Variants in PRDM10 observed in about 807,000 individuals in gnomAD.
PRDM10 encodes the protein PR/SET domain 10, also known as PR domain zinc finger protein 10.
In PRDM10, 65 loss-of-function variants were observed where a neutral mutation model predicts 133.1. That is an observed-to-expected ratio of 0.49 (90% confidence interval 0.40 to 0.60). The LOEUF is 0.60. Ranked by LOEUF, PRDM10 falls within the 20% of genes least tolerant of loss-of-function variation. PRDM10 has a pLI of 0.00. For synonymous variants in PRDM10, 582 were observed against 580.4 expected (o/e 1.00, Z -0.04); for missense variants, 1,137 against 1,507.1 (o/e 0.75, Z 4.07).
Position 129,932,114 on chromosome 11 carries a change from G to A in PRDM10, c.1275C>T (p.Asp425=), listed in dbSNP as rs1950888617. ...EITSENGEKS[D]DGTQDLLHFP... ...CGTCCCCCCGTACCTGTGTCCCATC[G>A]TCACTCTTTTCCCCATTTTCGCTGG... The change falls in exon 10 of 21, where the codon GAC becomes GAT. Residue 425 remains aspartate, a synonymous_variant. Transcript: ENST00000360871. 1 of 1,613,928 alleles carries A rather than the reference G, an allele frequency of 6.2e-7. No homozygotes were observed. The highest frequency in any genetic ancestry group is 8.5e-7 in the Non-Finnish European group (1 of 1,179,918).
rs542835680 is a variant in PRDM10 at position 129,925,143 on chromosome 11, G to T, written c.1617C>A (p.Asp539Glu). Residue 539 changes from aspartate (D) to glutamate (E), a missense_variant, in exon 12 of 21, where the codon GAC (aspartate) becomes GAA (glutamate). Physicochemically the swap from Asp to Glu is conservative, Grantham distance 45. This residue lies in a region of PRDM10 where 635 missense variants were observed against 835.2 expected (regional missense o/e 0.76). Transcript: ENST00000360871. ...LQCGKAFREK[D>E]KLDQHLRFHG... Reference sequence around the variant, plus strand: ...GGAAGCGTAAGTGCTGGTCCAGTTTGTCCTTTTCCCGGAAGGCCTTCCCAC... The same window carrying T: ...GGAAGCGTAAGTGCTGGTCCAGTTTTTCCTTTTCCCGGAAGGCCTTCCCAC... The T allele has an allele frequency of 1.9e-6, 3 of 1,614,196 alleles. No individual in the cohort carries two copies. The highest frequency in any genetic ancestry group is 2.5e-6 in the Non-Finnish European group (3 of 1,180,040).
rs578106275 is a variant in PRDM10 at position 129,923,498 on chromosome 11, T to G, written c.1879-95A>C. The G allele has an allele frequency of 3.7e-6, 5 of 1,341,802 alleles. No individual in the cohort carries two copies. In the African/African-American group the frequency reaches 7.4e-5, roughly 20 times the overall value. 83.1% of individuals were successfully genotyped at this position (1,341,802 alleles called of 1,614,324 possible). On this transcript the variant is annotated intron_variant, in intron 12 of 20. Coordinates refer to ENST00000360871, the MANE Select transcript of PRDM10 (RefSeq NM_199437.2). The surrounding 1 kb of genome is among the most constrained non-coding windows in gnomAD (Gnocchi z 4.4). ...CAACGCTAGAGGGAGCCAAACGCAT[T>G]ACCATGGGTTTTCATCAACCCCGCC...
At chr11:129,983,230 T>TGCCTCC (rs1007621200) in intron 1 of PRDM10, among the ~76,000 whole-genome samples, 26 of 152,018 alleles carry the variant, frequency 1.7e-4, no homozygotes, top group African/African-American at 5.5e-4. Flanking sequence ...CACCTGCCTC[T>TGCCTCC]GCCTCCCAAA....
At chr11:129,924,811 G>T in intron 12 of PRDM10, 71 bp downstream of exon 12, 1 of 1,391,004 alleles carries the variant, frequency 7.2e-7, no homozygotes, top group African/African-American at 1.4e-5. Context: ...GGCAGTCTCG[G>T]TTTTCCAAAA....
At position 129,902,453 on chromosome 11, in the gene PRDM10, C is replaced by G. The variant is rs1466781206; in HGVS notation, c.3331G>C (p.Gly1111Arg). The change falls in exon 21 of 21, where the codon GGT becomes CGT. Residue 1111 changes from glycine to arginine, a missense_variant. Physicochemically the swap from Gly to Arg is moderately radical, Grantham distance 125 (BLOSUM62 -2). Coordinates refer to ENST00000360871, the MANE Select transcript of PRDM10 (RefSeq NM_199437.2). ...LEEKQTSALS[G>R]GVQVEPPAHS... is the part of the protein sequence containing the mutation. The stretch of plus-strand genomic sequence containing the variant: ...GCAGGTGGCTCGACCTGGACTCCAC[C>G]AGAGAGGGCAGAAGTTTGCTTTTCT... 5.6e-6 allele frequency: 9 copies of G among 1,614,006 alleles called. No homozygotes were observed. The highest frequency in any genetic ancestry group is 7.6e-6 in the Non-Finnish European group (9 of 1,180,038).
At chr11:129,995,457 G>C (rs1320175533) in intron 1 of PRDM10, among the ~76,000 whole-genome samples, 1 of 152,170 alleles carries the variant, frequency 6.6e-6, no homozygotes, top group African/African-American at 2.4e-5. Context: ...CAGTTAAAAA[G>C]TCAAACAAAG....
In PRDM10 at chr11:129,923,476, C is replaced by T. The variant is rs1591601882; in HGVS notation, c.1879-73G>A. ...GAAATGACCAAAGGCAGCTTGTCAA[C>T]GCTAGAGGGAGCCAAACGCATTACC... On this transcript the variant is annotated intron_variant, in intron 12 of 20. Transcript: ENST00000360871. The surrounding 1 kb of genome is among the most constrained non-coding windows in gnomAD (Gnocchi z 4.4). 4.7e-6 allele frequency: 7 copies of T among 1,477,880 alleles called. No homozygotes were observed. Among genetic ancestry groups the T allele is most frequent in the East Asian group, 2.4e-5 (1 of 41,628 alleles). 91.5% of individuals were successfully genotyped at this position (1,477,880 alleles called of 1,614,324 possible).
intron 18 of PRDM10, 116 bp downstream of exon 18, chr11:129,911,969 C>G: frequency 7.7e-7 from 1 of 1,297,904 alleles, no homozygotes; most frequent in Non-Finnish European, 1.0e-6. Flanking sequence ...TAATAAAAAT[C>G]CAAAAATAAC....
At chr11:129,981,792 A>G (rs1938126969) in intron 1 of PRDM10, among the ~76,000 whole-genome samples, 1 of 152,124 alleles carries the variant, frequency 6.6e-6, no homozygotes, top group African/African-American at 2.4e-5. Flanking sequence ...GCTACTCAGG[A>G]GGCTGAGCCA....
At chr11:129,964,130 T>C (rs1356518453) in intron 1 of PRDM10, among the ~76,000 whole-genome samples, 1 of 152,146 alleles carries the variant, frequency 6.6e-6, no homozygotes, top group African/African-American at 2.4e-5. Flanking sequence ...GGAATTTGAG[T>C]GGCTTGTTTC....
At chr11:130,001,140 C>G (rs956610892) in intron 1 of PRDM10, among the ~76,000 whole-genome samples, 1 of 152,094 alleles carries the variant, frequency 6.6e-6, no homozygotes, top group Non-Finnish European at 1.5e-5. Flanking sequence ...CTAAATACCC[C>G]ATATTGAATA....
chr11:129,955,435 G>C (rs1461576161), intron 4 of PRDM10, 77 bp downstream of exon 4: 1 of 1,413,998 alleles, frequency 7.1e-7, no homozygotes, highest in Non-Finnish European at 1.0e-6. Flanking sequence ...AGATGGTGCA[G>C]TGCAAAGGGA....
At chr11:129,916,575 C>T (rs1950365233) in intron 15 of PRDM10, among the ~76,000 whole-genome samples, 1 of 152,200 alleles carries the variant, frequency 6.6e-6, no homozygotes, top group African/African-American at 2.4e-5. Context: ...GCGGAAGTTG[C>T]AGTGAGCTGA....
chr11:129,929,232 G>T (rs533259445), intron 11 of PRDM10, among the ~76,000 whole-genome samples: 1 of 152,146 alleles, frequency 6.6e-6, no homozygotes, highest in African/African-American at 2.4e-5. Flanking sequence ...GGAACCTGCA[G>T]CCCACAATTT....
chr11:129,962,758 C>G (rs1951820617), intron 1 of PRDM10, among the ~76,000 whole-genome samples: 1 of 152,002 alleles, frequency 6.6e-6, no homozygotes, highest in African/African-American at 2.4e-5. Flanking sequence ...TATAGCAGTA[C>G]TATTTAAAAA....
At chr11:130,000,016 TTTTG>T (rs1022450917) in intron 1 of PRDM10, among the ~76,000 whole-genome samples, 7 of 151,832 alleles carry the variant, frequency 4.6e-5, no homozygotes, top group Admixed American at 2.0e-4. Flanking sequence ...TAATTATGGG[TTTTG>T]TTTTTTTTCA....
rs182509677 is a variant in PRDM10, at chr11:129,945,510, C to T, written c.521-498G>A. ...GTCTTATATCTCAGCCTAACTCAAA[C>T]GGAAAAAGGGTTGTGCGGTCTGAGA... On this transcript the variant is annotated intron_variant, in intron 5 of 20. Coordinates refer to ENST00000360871, the MANE Select transcript of PRDM10 (RefSeq NM_199437.2). The surrounding 1 kb of genome is among the most constrained non-coding windows in gnomAD (Gnocchi z 4.2). Among the ~76,000 whole-genome samples the T allele has an allele frequency of 1.3e-5, 2 of 152,276 alleles. No homozygotes were observed. Among genetic ancestry groups the T allele is most frequent in the Admixed American group, 6.5e-5 (1 of 15,302 alleles).
Position 129,981,431 on chromosome 11 carries a change from T to C in PRDM10, c.-118-20349A>G, listed in dbSNP as rs185632598. ...AACACACATAAACTAGCTGTCTTTA[T>C]ATACAAATGTACTCATGGAGAAATG... On this transcript the variant is annotated intron_variant, in intron 1 of 20. Coordinates refer to ENST00000360871, the MANE Select transcript of PRDM10 (RefSeq NM_199437.2). Among the ~76,000 whole-genome samples, 347 of 152,332 alleles carry C rather than the reference T, an allele frequency of 2.3e-3. 2 individuals are homozygous for C. Among genetic ancestry groups the C allele is most frequent in the African/African-American group, 7.9e-3 (327 of 41,572 alleles).
At chr11:129,928,874 C>T (rs1565469393) in intron 11 of PRDM10, among the ~76,000 whole-genome samples, 1 of 152,166 alleles carries the variant, frequency 6.6e-6, no homozygotes, top group African/African-American at 2.4e-5. Context: ...GTGTCTGGGC[C>T]TCTGATCCTA....
Sources: allele counts gnomAD v4.1 joint callset (sites outside exome capture counted in the v4.1 genomes callset), GRCh38; gene constraint gnomAD v4.1.1; regional missense constraint gnomAD v4.1.1; non-coding constraint Gnocchi (gnomAD v3.1); transcripts MANE v1.5; gene names NCBI Gene and HGNC (gene_info 2026-07-23, HGNC 2026-07-21).